SLC24A4: variants seen among roughly 807,000 people sequenced by gnomAD.
SLC24A4 encodes solute carrier family 24 member 4, also known as sodium/potassium/calcium exchanger 4.
SLC24A4 carries 53 observed loss-of-function variants against 79.0 expected under a neutral mutation model. The observed-to-expected ratio is 0.67, with a 90% CI of 0.54 to 0.84. SLC24A4 has a LOEUF of 0.84. Among genes scored for constraint, SLC24A4 ranks in the 40% least tolerant of loss-of-function variants. SLC24A4 has a pLI of 0.00. For synonymous variants in SLC24A4, 323 were observed against 323.8 expected, an observed-to-expected ratio of 1.00 and a Z score of 0.03; for missense variants, 731 against 822.0, an observed-to-expected ratio of 0.89 and a Z score of 1.35.
intron 11 of SLC24A4, 138 bp from the exon 12 acceptor site, chr14:92,456,266 T>C (rs1893454106): frequency 5.3e-6 from 4 of 757,802 alleles, no homozygotes; most frequent in Admixed American, 4.4e-5. Context: ...CTGGGGCTGA[T>C]TCTCAGGCAA....
chr14:92,364,859 C>T (rs1208894928), intron 2 of SLC24A4, among the ~76,000 whole-genome samples: 1 of 152,210 alleles, frequency 6.6e-6, no homozygotes, highest in Non-Finnish European at 1.5e-5. Flanking sequence ...GACTGGGTGC[C>T]TCATTAGTGT....
At chr14:92,414,044 G>A (rs1315954600) in intron 2 of SLC24A4, among the ~76,000 whole-genome samples, 1 of 152,156 alleles carries the variant, frequency 6.6e-6, no homozygotes, top group African/African-American at 2.4e-5. Context: ...GATAAATGGT[G>A]TGTGAAGGGA....
At chr14:92,351,782 T>C (rs1478349235) in intron 2 of SLC24A4, among the ~76,000 whole-genome samples, 1 of 152,064 alleles carries the variant, frequency 6.6e-6, no homozygotes, top group Admixed American at 6.5e-5. Flanking sequence ...GAGAATTGCT[T>C]TAACCCAGGA....
At chr14:92,336,705 G>A (rs556346385) in intron 2 of SLC24A4, among the ~76,000 whole-genome samples, 11 of 152,322 alleles carry the variant, frequency 7.2e-5, no homozygotes, top group Admixed American at 5.2e-4. Flanking sequence ...ACCAGACCAA[G>A]CCACCTGCCG....
At chr14:92,491,874 C>T in intron 15 of SLC24A4, 97 bp downstream of exon 15, 2 of 912,668 alleles carry the variant, frequency 2.2e-6, no homozygotes, top group Admixed American at 4.0e-5. Context: ...ACCTCCTCCT[C>T]TCCTTGGCAC....
intron 2 of SLC24A4, among the ~76,000 whole-genome samples, chr14:92,339,896 A>G (rs1471742289): frequency 1.3e-5 from 2 of 152,232 alleles, no homozygotes; most frequent in African/African-American, 4.8e-5. Flanking sequence ...ATGAGAAGTT[A>G]TTGCAAAGAG....
chr14:92,475,131 T>C (rs1454357605), intron 12 of SLC24A4, among the ~76,000 whole-genome samples: 1 of 152,010 alleles, frequency 6.6e-6, no homozygotes, highest in Non-Finnish European at 1.5e-5. Context: ...ACCCCCATTT[T>C]ACAGTAAGGA....
At chr14:92,369,018 C>A (rs993212227) in intron 2 of SLC24A4, among the ~76,000 whole-genome samples, 9 of 152,126 alleles carry the variant, frequency 5.9e-5, no homozygotes, top group African/African-American at 2.2e-4. Context: ...CCCCATCATC[C>A]TGAGGGAGGA....
At chr14:92,355,092 A>G (rs1887101467) in intron 2 of SLC24A4, among the ~76,000 whole-genome samples, 1 of 152,060 alleles carries the variant, frequency 6.6e-6, no homozygotes, top group African/African-American at 2.4e-5. Flanking sequence ...AAAACAAACA[A>G]CAACAACAAC....
chr14:92,364,210 C>T (rs1315297700), intron 2 of SLC24A4, among the ~76,000 whole-genome samples: 1 of 152,238 alleles, frequency 6.6e-6, no homozygotes, highest in East Asian at 1.9e-4. Context: ...TTTCCAGACA[C>T]ACTGTGAGTG....
chr14:92,332,855 C>A (rs566216353), intron 2 of SLC24A4, among the ~76,000 whole-genome samples: 2 of 152,280 alleles, frequency 1.3e-5, no homozygotes, highest in East Asian at 3.9e-4. Context: ...TTTCTGAGGG[C>A]AAGTTAACAA....
intron 7 of SLC24A4, among the ~76,000 whole-genome samples, 162 bp downstream of exon 7, chr14:92,443,636 G>C (rs1892630638): frequency 6.6e-6 from 1 of 152,264 alleles, no homozygotes; most frequent in South Asian, 2.1e-4. Context: ...CCAGCGCCCC[G>C]ACCCCCAGCA....
chr14:92,434,770 T>TTTTA (rs1389994960), intron 3 of SLC24A4, among the ~76,000 whole-genome samples: 2 of 152,122 alleles, frequency 1.3e-5, no homozygotes, highest in African/African-American at 4.8e-5. Context: ...ACTTAAAGTA[T>TTTTA]TTTATTTATT....
At chr14:92,435,399 C>G (rs979513838) in intron 3 of SLC24A4, among the ~76,000 whole-genome samples, 1 of 152,226 alleles carries the variant, frequency 6.6e-6, no homozygotes, top group African/African-American at 2.4e-5. Context: ...TTTTTCACTT[C>G]AGAGGCAGAG....
chr14:92,479,446 C>T (rs953973860), intron 12 of SLC24A4, among the ~76,000 whole-genome samples: 3 of 152,054 alleles, frequency 2.0e-5, no homozygotes, highest in Non-Finnish European at 2.9e-5. Flanking sequence ...ATGTCTTTTC[C>T]GTGGCAGTTT....
At chr14:92,484,298 C>CCTCT in intron 13 of SLC24A4, 5 of 985,412 alleles carry the variant, frequency 5.1e-6, no homozygotes, top group Non-Finnish European at 6.0e-6. Context: ...TCAGGCTGAT[C>CCTCT]AGAGACCTGC....
In SLC24A4 at chr14:92,490,340, T is replaced by C. The variant is rs188690618; in HGVS notation, c.1538-1325T>C. 3.7e-4 allele frequency among the ~76,000 whole-genome samples: 57 copies of C among 152,244 alleles called. No individual in the cohort carries two copies. Among genetic ancestry groups the C allele is most frequent in the African/African-American group, 1.4e-3 (57 of 41,516 alleles). On this transcript the variant is annotated intron_variant, in intron 14 of 16. Transcript: ENST00000532405. This position sits in a 1 kb window ranked among gnomAD's most constrained non-coding sequence, Gnocchi z 4.3. ...GAGTCTTACTTACAAAAGTTTGCTT[T>C]CTTAATTATATGCCTCTCCAGTTAC... is the stretch of plus-strand genomic sequence containing the variant.
At chr14:92,391,361 G>A (rs1200896315) in intron 2 of SLC24A4, among the ~76,000 whole-genome samples, 1 of 152,092 alleles carries the variant, frequency 6.6e-6, no homozygotes, top group Non-Finnish European at 1.5e-5. Flanking sequence ...CAACCCTTGT[G>A]CCAACCCCAG....
intron 1 of SLC24A4, 54 bp downstream of exon 1, chr14:92,324,014 G>A (rs932854301): frequency 1.3e-6 from 2 of 1,576,658 alleles, no homozygotes; most frequent in Non-Finnish European, 1.7e-6. Flanking sequence ...TTTGGCTGGG[G>A]AGTCTCGGGG....
Sources: gnomAD v4.1 joint callset for allele counts (sites outside exome capture counted in the v4.1 genomes callset) on GRCh38, gnomAD v4.1.1 for gene constraint, Gnocchi (gnomAD v3.1) non-coding constraint, MANE v1.5 for transcripts, NCBI Gene and HGNC (gene_info 2026-07-23, HGNC 2026-07-21) for gene names.